The following SEC31B variants were observed in gnomAD, a reference collection of about 807,000 sequenced individuals.
SEC31B encodes the protein protein transport protein Sec31B.
A neutral mutation model predicts 135.0 loss-of-function variants in SEC31B; 113 were observed. The ratio of observed to expected loss-of-function variants is 0.84; its 90% confidence interval spans 0.72 to 0.98. The LOEUF (loss-of-function observed/expected upper bound fraction) is 0.98, where lower values mean the gene tolerates loss of function less well. Ranked by LOEUF, SEC31B falls within the 50% of genes least tolerant of loss-of-function variation. SEC31B has a pLI of 0.00. For missense variants in SEC31B, 1,296 were observed against 1,421.1 expected, an observed-to-expected ratio of 0.91 and a Z score of 1.42; for synonymous variants, 508 against 549.4, an observed-to-expected ratio of 0.92 and a Z score of 1.05.
chr10:100,512,727 A>G (rs1199754024), intron 3 of SEC31B, among the ~76,000 whole-genome samples: 1 of 152,226 alleles, frequency 6.6e-6, no homozygotes, highest in African/African-American at 2.4e-5. Context: ...GATAAAAAAG[A>G]GATATAGGAA....
Position 100,497,260 on chromosome 10 carries a change from C to A in SEC31B, c.2011G>T (p.Glu671Ter). 1 of 1,614,168 alleles carries A rather than the reference C, an allele frequency of 6.2e-7. No homozygotes were observed. Among genetic ancestry groups the A allele is most frequent in the Non-Finnish European group, 8.5e-7 (1 of 1,179,990 alleles). ...GTTAGTGCCCTGCTGCCCTCCTGTTCCATGCGAGTTCCCAGCATGTCTGCA... is the reference window on the plus strand; with the variant it reads ...GTTAGTGCCCTGCTGCCCTCCTGTTACATGCGAGTTCCCAGCATGTCTGCA... ...ELCDMLGTRM[E>*]QEGSRALTSE... Residue 671 changes from glutamate to a stop codon, truncating the protein, a stop_gained, in exon 17 of 26, where the codon GAA (glutamate) becomes TAA (stop). Transcript: ENST00000370345. LOFTEE classifies it high-confidence loss of function.
chr10:100,498,600 G>T, intron 14 of SEC31B, 105 bp downstream of exon 14: 1 of 774,950 alleles, frequency 1.3e-6, no homozygotes, highest in Non-Finnish European at 2.2e-6. Context: ...GACGGTGGGA[G>T]GAAGGCACGA....
chr10:100,514,187 G>GAAAAC (rs1564654577), intron 3 of SEC31B, among the ~76,000 whole-genome samples: 1 of 152,082 alleles, frequency 6.6e-6, no homozygotes, highest in Admixed American at 6.5e-5. Context: ...TCTGTCTCCA[G>GAAAAC]AAAACAAAAC....
At chr10:100,508,107 C>T in intron 5 of SEC31B, 56 bp from the exon 6 acceptor site, 1 of 1,604,820 alleles carries the variant, frequency 6.2e-7, no homozygotes, top group South Asian at 1.1e-5. Context: ...GACAAAGTGA[C>T]ATCTGCTGTT....
rs1320586644 is a variant in SEC31B at position 100,496,333 on chromosome 10, A to C, written c.2235T>G (p.Thr745=). 6.2e-7 allele frequency: 1 copy of C among 1,614,080 alleles called. No homozygotes were observed. Among genetic ancestry groups the C allele is most frequent in the East Asian group, 2.2e-5 (1 of 44,884 alleles). ...SPGPATTYRV[T]QYANLLAAQG... ...GGGCTGCCAGGAGGTTGGCATACTG[A>C]GTGACCCTGTAGGTTGTGGCAGGGC... Residue 745 remains threonine (T), a synonymous_variant, in exon 18 of 26, where the codon ACT becomes ACG. Transcript: ENST00000370345.
chr10:100,508,679 G>T, intron 5 of SEC31B: 1 of 421,438 alleles, frequency 2.4e-6, no homozygotes, highest in Non-Finnish European at 4.4e-6. Context: ...TGGGCCCAAT[G>T]CCCTACCCAA....
At position 100,486,881 on chromosome 10, in the gene SEC31B, T is replaced by C. The variant is rs1021408218; in HGVS notation, c.*735A>G. The stretch of plus-strand genomic sequence containing the variant: ...ATGGCCTTGGGCTAAGGCTCCAACA[T>C]AGGTGGAGTCAAGGGCAGTTCCCCA... On this transcript the variant is annotated 3_prime_UTR_variant, in exon 26 of 26. Transcript: ENST00000370345. The C allele has an allele frequency of 3.9e-5, 6 of 152,232 alleles. No individual in the cohort carries two copies. The highest frequency in any genetic ancestry group is 2.6e-4 in the Admixed American group (4 of 15,278). 9.4% of individuals were successfully genotyped at this position (152,232 alleles called of 1,614,324 possible).
intron 18 of SEC31B, among the ~76,000 whole-genome samples, chr10:100,495,887 C>T (rs987743195): frequency 3.9e-5 from 6 of 152,112 alleles, no homozygotes; most frequent in African/African-American, 1.4e-4. Context: ...TTCCTGAATC[C>T]CTGCCAAACA....
intron 10 of SEC31B, 34 bp downstream of exon 10, chr10:100,505,327 A>AACAC (rs749868302): frequency 6.5e-7 from 1 of 1,543,256 alleles, no homozygotes; most frequent in East Asian, 2.4e-5. Flanking sequence ...CACACACACA[A>AACAC]ACACACACAC....
In SEC31B at chr10:100,505,509, A is replaced by T; in HGVS notation, c.1045-14T>A. ...GGAAGAGGAGATCTGGGGGGAAAAG[A>T]CACCTGCATCGCCATCCTAAAGTGG... is the stretch of plus-strand genomic sequence containing the variant. On this transcript the variant is annotated splice_polypyrimidine_tract_variant and intron_variant, in intron 9 of 25. Transcript: ENST00000370345. 1 of 1,513,808 alleles carries T rather than the reference A, an allele frequency of 6.6e-7. No individual in the cohort carries two copies. Among genetic ancestry groups the T allele is most frequent in the Non-Finnish European group, 8.8e-7 (1 of 1,137,394 alleles). The allele number at this position is 1,513,808 out of a possible 1,614,324, so 93.8% of individuals were successfully genotyped here. A position where few individuals can be genotyped will look rare whatever the true frequency, so the allele number is the denominator to read the frequency against.
chr10:100,508,007 G>A lies in SEC31B; in HGVS notation c.540C>T (p.Ala180=). 1 of 1,614,202 alleles carries A rather than the reference G, an allele frequency of 6.2e-7. No individual in the cohort carries two copies. The highest frequency in any genetic ancestry group is 1.1e-5 in the South Asian group (1 of 91,082). The change falls in exon 6 of 26, where the codon GCC becomes GCT. Residue 180 remains alanine (A), a synonymous_variant. Coordinates refer to ENST00000370345, the MANE Select transcript of SEC31B (RefSeq NM_015490.4). ...GGTGAGCAGAAGACAGAATGTGTTG[G>A]GCTTGCCGGTTCCAAGACAGTGCCT... is the stretch of plus-strand genomic sequence containing the variant. ...DIKALSWNRQ[A]QHILSSAHPS... is the part of the protein sequence containing the mutation.
chr10:100,505,712 A>G (rs1305647712), intron 9 of SEC31B: 3 of 1,416,860 alleles, frequency 2.1e-6, no homozygotes, highest in Non-Finnish European at 2.7e-6. Context: ...AAAGTCTACA[A>G]TGGAGTGTGG....
intron 9 of SEC31B, 34 bp downstream of exon 9, chr10:100,506,006 T>A (rs1255380172): frequency 6.2e-7 from 1 of 1,611,630 alleles, no homozygotes; most frequent in South Asian, 1.1e-5. Context: ...AGACAGCCCC[T>A]TCCCTCCAGC....
intron 9 of SEC31B, chr10:100,505,804 C>A: frequency 6.9e-7 from 1 of 1,439,390 alleles, no homozygotes; most frequent in Non-Finnish European, 9.1e-7. Flanking sequence ...CCCACGGTCC[C>A]TGAAATACTA....
intron 3 of SEC31B, among the ~76,000 whole-genome samples, chr10:100,510,120 T>C (rs1434975650): frequency 6.6e-6 from 1 of 152,240 alleles, no homozygotes; most frequent in African/African-American, 2.4e-5. Flanking sequence ...GTCAGGCCCA[T>C]CTTATTCCAG....
At chr10:100,488,457 T>G (rs904608195) in intron 24 of SEC31B, among the ~76,000 whole-genome samples, 5 of 50,606 alleles carry the variant, frequency 9.9e-5, no homozygotes, top group African/African-American at 6.8e-4. Context: ...AGACTCCATC[T>G]CAAAAAAAAA....
chr10:100,491,900 T>C (rs1240117382), intron 19 of SEC31B, among the ~76,000 whole-genome samples: 1 of 152,218 alleles, frequency 6.6e-6, no homozygotes, highest in African/African-American at 2.4e-5. Context: ...GCACATCTGC[T>C]ATCTGCCATG....
intron 10 of SEC31B, among the ~76,000 whole-genome samples, chr10:100,503,913 C>A (rs893038481): frequency 6.6e-6 from 1 of 152,092 alleles, no homozygotes; most frequent in Non-Finnish European, 1.5e-5. Flanking sequence ...TTCCCAATAT[C>A]CACCTCCTAA....
chr10:100,508,886 T>G, intron 5 of SEC31B, 121 bp downstream of exon 5: 1 of 741,012 alleles, frequency 1.3e-6, no homozygotes, highest in Non-Finnish European at 2.3e-6. Flanking sequence ...TGTGGAGCTT[T>G]ATTGCCCTCC....
Sources: gnomAD v4.1 joint callset for allele counts (sites outside exome capture counted in the v4.1 genomes callset) on GRCh38, gnomAD v4.1.1 for gene constraint, MANE v1.5 for transcripts, NCBI Gene and HGNC (gene_info 2026-07-23, HGNC 2026-07-21) for gene names.